The following CABIN1 variants were observed in gnomAD, a reference collection of about 807,000 sequenced individuals.
The protein encoded by CABIN1 is calcineurin-binding protein cabin-1.
Under a neutral mutation model 227.7 loss-of-function variants are expected in CABIN1, and 133 were observed. The observed-to-expected ratio is 0.58, with a 90% CI of 0.51 to 0.67. The LOEUF is 0.67. Among genes scored for constraint, CABIN1 ranks in the 30% least tolerant of loss-of-function variants. The pLI is 0.00. For missense variants in CABIN1, 2,408 were observed against 2,852.5 expected (o/e 0.84, Z 3.55); for synonymous variants, 1,086 against 1,155.1 (o/e 0.94, Z 1.21).
At chr22:24,028,837 G>A (rs1471041571) in intron 1 of CABIN1, among the ~76,000 whole-genome samples, 4 of 152,040 alleles carry the variant, frequency 2.6e-5, no homozygotes, top group Non-Finnish European at 5.9e-5. Context: ...CAGATATAGT[G>A]GTACAAAGAT....
At chr22:24,073,218 A>G (rs1038980671) in intron 18 of CABIN1, among the ~76,000 whole-genome samples, 2 of 151,862 alleles carry the variant, frequency 1.3e-5, no homozygotes, top group Non-Finnish European at 1.5e-5. Context: ...TAAAGCAAAG[A>G]TTGCCTGTAA....
intron 1 of CABIN1, among the ~76,000 whole-genome samples, chr22:24,025,715 C>T (rs573586372): frequency 6.6e-6 from 1 of 152,212 alleles, no homozygotes; most frequent in Non-Finnish European, 1.5e-5. Context: ...CACTCTGTCA[C>T]CCGGGCTGAA....
chr22:24,137,085 G>A (rs1256067723), intron 29 of CABIN1, among the ~76,000 whole-genome samples: 10 of 152,108 alleles, frequency 6.6e-5, no homozygotes, highest in Non-Finnish European at 1.2e-4. Context: ...GTTAGATACC[G>A]GGGTAATATT....
chr22:24,157,278 T>C (rs1262112102), intron 29 of CABIN1, among the ~76,000 whole-genome samples: 1 of 152,074 alleles, frequency 6.6e-6, no homozygotes, highest in Non-Finnish European at 1.5e-5. Flanking sequence ...GACCCTCAGC[T>C]CCTCAGGGCA....
chr22:24,119,790 C>A (rs1161757559), intron 28 of CABIN1, 92 bp downstream of exon 28: 12 of 1,219,330 alleles, frequency 9.8e-6, no homozygotes, highest in Middle Eastern at 2.1e-4. Flanking sequence ...CAGATTGGAG[C>A]TTCACGGTAG....
At chr22:24,042,723 C>T (rs528117722) in intron 5 of CABIN1, among the ~76,000 whole-genome samples, 181 bp from the exon 6 acceptor site, 2 of 152,062 alleles carry the variant, frequency 1.3e-5, no homozygotes, top group African/African-American at 4.8e-5. Context: ...ATAAGATAGT[C>T]ATGGCACTTT....
In CABIN1 at chr22:24,177,639, G is replaced by A; in HGVS notation, c.6341G>A (p.Gly2114Asp). ...PSSGSAQPPE[G>D]HPGKPEPSRA... ...AGTGGGAGTGCCCAGCCACCAGAGG[G>A]TCACCCAGGCAAGCCTGAGCCCAGC... is the stretch of plus-strand genomic sequence containing the variant. The change falls in exon 36 of 37, where the codon GGT becomes GAT. Residue 2114 changes from glycine to aspartate, a missense_variant. By Grantham distance (94) the Gly-to-Asp change is moderately conservative (BLOSUM62 -1). Coordinates refer to ENST00000263119, the MANE Select transcript of CABIN1 (RefSeq NM_012295.4). This position sits in a 1 kb window ranked among gnomAD's most constrained non-coding sequence, Gnocchi z 4.4. 6.2e-7 allele frequency: 1 copy of A among 1,613,664 alleles called. No homozygotes were observed. Among genetic ancestry groups the A allele is most frequent in the African/African-American group, 1.3e-5 (1 of 75,012 alleles).
At chr22:24,062,061 A>G in intron 13 of CABIN1, 36 bp downstream of exon 13, 1 of 1,530,248 alleles carries the variant, frequency 6.5e-7, no homozygotes, top group Non-Finnish European at 9.0e-7. Context: ...CCAGGCTAAT[A>G]TCTGAACCCC....
In CABIN1 at chr22:24,072,218, A is replaced by G. The variant is rs555026964; in HGVS notation, c.2476-136A>G. The G allele has an allele frequency of 5.0e-6, 4 of 798,214 alleles. No individual in the cohort carries two copies. In the South Asian group the frequency reaches 5.9e-5, roughly 12 times the overall value. 49.4% of individuals were successfully genotyped at this position (798,214 alleles called of 1,614,324 possible). On this transcript the variant is annotated intron_variant, in intron 17 of 36. Coordinates refer to ENST00000263119, the MANE Select transcript of CABIN1 (RefSeq NM_012295.4). ...ACATGCTGAGGATCTGCTAGGTTAC[A>G]GTGCCCACATCTGAGCAGTGGGGGT...
At chr22:24,086,762 C>G (rs1000745345) in intron 22 of CABIN1, among the ~76,000 whole-genome samples, 4 of 152,214 alleles carry the variant, frequency 2.6e-5, no homozygotes, top group Non-Finnish European at 2.9e-5. Context: ...AGACAGGTTT[C>G]TGTGTTCTCA....
chr22:24,081,449 C>G lies in CABIN1; in HGVS notation c.2749-1779C>G, dbSNP rs181984857. On this transcript the variant is annotated intron_variant, in intron 19 of 36. Coordinates refer to ENST00000263119, the MANE Select transcript of CABIN1 (RefSeq NM_012295.4). Reference sequence around the variant, plus strand: ...GTTTCTGCTTATGCTTTAAAAAGTTCTGTGGTACCTCGAGTTATGCCCCTT... The same window carrying G: ...GTTTCTGCTTATGCTTTAAAAAGTTGTGTGGTACCTCGAGTTATGCCCCTT... Among the ~76,000 whole-genome samples the G allele has an allele frequency of 1.2e-4, 18 of 152,290 alleles. No homozygotes were observed. In the East Asian group the frequency reaches 2.5e-3, roughly 21 times the overall value.
intron 32 of CABIN1, among the ~76,000 whole-genome samples, chr22:24,167,750 C>T (rs1345735657): frequency 1.3e-5 from 2 of 152,150 alleles, no homozygotes; most frequent in African/African-American, 4.8e-5. Flanking sequence ...GGAAGAATCT[C>T]CAAAACTTTA....
intron 24 of CABIN1, among the ~76,000 whole-genome samples, chr22:24,092,692 G>GTGTT (rs2041625861): frequency 6.9e-6 from 1 of 145,110 alleles, no homozygotes; most frequent in South Asian, 2.2e-4. Flanking sequence ...ATAAAAGTGT[G>GTGTT]TGTGTGTGTG....
chr22:24,125,714 G>T (rs894441926), intron 28 of CABIN1, among the ~76,000 whole-genome samples: 1 of 152,240 alleles, frequency 6.6e-6, no homozygotes. Flanking sequence ...CCACAAAATG[G>T]TGGTGTGCCC....
At chr22:24,028,447 G>C (rs2036255506) in intron 1 of CABIN1, among the ~76,000 whole-genome samples, 1 of 152,248 alleles carries the variant, frequency 6.6e-6, no homozygotes, top group South Asian at 2.1e-4. Flanking sequence ...TCTGCAGGCT[G>C]CCTCTGCATT....
chr22:24,050,787 G>A (rs1409269280), intron 7 of CABIN1, 38 bp from the exon 8 acceptor site: 3 of 1,613,458 alleles, frequency 1.9e-6, no homozygotes, highest in Non-Finnish European at 2.5e-6. Context: ...GTTTTAGTTT[G>A]TAACATGATA....
At chr22:24,075,155 A>G (rs1377785904) in intron 18 of CABIN1, among the ~76,000 whole-genome samples, 1 of 152,178 alleles carries the variant, frequency 6.6e-6, no homozygotes. Flanking sequence ...TTGAGCTATG[A>G]CCATGCCATT....
intron 10 of CABIN1, 123 bp from the exon 11 acceptor site, chr22:24,059,104 C>T: frequency 1.6e-6 from 2 of 1,279,416 alleles, no homozygotes; most frequent in Non-Finnish European, 2.2e-6. Context: ...TTCTGGACCC[C>T]ACCACCCACT....
At chr22:24,024,845 C>A (rs2035971338) in intron 1 of CABIN1, among the ~76,000 whole-genome samples, 1 of 151,890 alleles carries the variant, frequency 6.6e-6, no homozygotes, top group African/African-American at 2.4e-5. Flanking sequence ...TGTTTGATTT[C>A]TTTTTAGAAT....
Sources: allele counts gnomAD v4.1 joint callset (sites outside exome capture counted in the v4.1 genomes callset), GRCh38; gene constraint gnomAD v4.1.1; non-coding constraint Gnocchi (gnomAD v3.1); transcripts MANE v1.5; gene names NCBI Gene and HGNC (gene_info 2026-07-23, HGNC 2026-07-21).